Variants in ADAMTS3 observed in about 807,000 individuals in gnomAD.
ADAMTS3 encodes the protein ADAM metallopeptidase with thrombospondin type 1 motif 3.
In ADAMTS3, 73 loss-of-function variants were observed where a neutral mutation model predicts 129.0. The ratio of observed to expected loss-of-function variants is 0.57; its 90% CI spans 0.47 to 0.69. The LOEUF (loss-of-function observed/expected upper bound fraction) is 0.69, where lower values mean the gene tolerates loss of function less well. Ranked by LOEUF, ADAMTS3 falls within the 30% of genes least tolerant of loss-of-function variation. The probability of loss-of-function intolerance (pLI) is 0.00; values close to 1 mark genes in which losing one functional copy is unlikely to be tolerated. For synonymous variants in ADAMTS3, 477 were observed against 510.8 expected, an observed-to-expected ratio of 0.93 and a Z score of 0.89; for missense variants, 1,457 against 1,514.5, an observed-to-expected ratio of 0.96 and a Z score of 0.63.
At chr4:72,538,179 T>C (rs1376058378) in intron 3 of ADAMTS3, among the ~76,000 whole-genome samples, 1 of 151,958 alleles carries the variant, frequency 6.6e-6, no homozygotes, top group Non-Finnish European at 1.5e-5. Context: ...TTGTGGGAGA[T>C]CCAGAAACAG....
At chr4:72,322,590 T>A (rs1719585162) in intron 6 of ADAMTS3, among the ~76,000 whole-genome samples, 1 of 152,170 alleles carries the variant, frequency 6.6e-6, no homozygotes, top group East Asian at 1.9e-4. Flanking sequence ...ATCTTTGTCT[T>A]TTTTCTTCAT....
chr4:72,395,813 T>C (rs954872062), intron 4 of ADAMTS3, among the ~76,000 whole-genome samples: 5 of 148,638 alleles, frequency 3.4e-5, no homozygotes, highest in African/African-American at 1.3e-4. Flanking sequence ...GTAGTATATT[T>C]GTGTGTGTGT....
At chr4:72,485,314 A>T (rs1444536672) in intron 3 of ADAMTS3, among the ~76,000 whole-genome samples, 1 of 152,210 alleles carries the variant, frequency 6.6e-6, no homozygotes, top group Non-Finnish European at 1.5e-5. Flanking sequence ...TCATTCACAA[A>T]GGGTTTAAGC....
chr4:72,520,796 A>G (rs1358396756), intron 3 of ADAMTS3, among the ~76,000 whole-genome samples: 2 of 151,910 alleles, frequency 1.3e-5, no homozygotes, highest in Admixed American at 1.3e-4. Context: ...GTGCTTCCCG[A>G]GTGAGGCAAT....
chr4:72,287,732 A>C (rs1718548668), intron 21 of ADAMTS3, among the ~76,000 whole-genome samples: 2 of 152,154 alleles, frequency 1.3e-5, no homozygotes, highest in African/African-American at 4.8e-5. Context: ...AAAATAAGAG[A>C]GAGACAGAGG....
intron 7 of ADAMTS3, 77 bp from the exon 8 acceptor site, chr4:72,320,040 G>A (rs758532194): frequency 2.5e-5 from 31 of 1,250,688 alleles, no homozygotes; most frequent in Non-Finnish European, 3.4e-5. Context: ...CTTTTGCCTA[G>A]GGGGAAAAAA....
rs111502825 is a variant in ADAMTS3 at position 72,405,112 on chromosome 4, G to A, written c.661+9703C>T. 2.1e-3 allele frequency among the ~76,000 whole-genome samples: 317 copies of A among 152,138 alleles called. 1 individual carries two copies. The highest frequency in any genetic ancestry group is 7.2e-3 in the African/African-American group (299 of 41,548). Reference sequence around the variant, plus strand: ...GTGAATGTAAATAGTGCAGTTCCTAGAGAAAATAAACTATGTTGAGGCTCC... The same window carrying A: ...GTGAATGTAAATAGTGCAGTTCCTAAAGAAAATAAACTATGTTGAGGCTCC... On this transcript the variant is annotated intron_variant, in intron 4 of 21. Transcript: ENST00000286657.
chr4:72,336,622 A>G (rs1255312025), intron 5 of ADAMTS3, among the ~76,000 whole-genome samples: 1 of 152,174 alleles, frequency 6.6e-6, no homozygotes, highest in Non-Finnish European at 1.5e-5. Context: ...TGTCTTGCCT[A>G]AAGTTGTCTG....
In ADAMTS3 at chr4:72,512,343, C is replaced by G. The variant is rs946421027; in HGVS notation, c.504+36135G>C. Reference sequence around the variant, plus strand: ...CCTGTCTCTACTAAAAATACAAAAACTAGCCAGGGATGGTGGCATGTGCCT... The same window carrying G: ...CCTGTCTCTACTAAAAATACAAAAAGTAGCCAGGGATGGTGGCATGTGCCT... On this transcript the variant is annotated intron_variant, in intron 3 of 21. Transcript: ENST00000286657. Among the ~76,000 whole-genome samples the G allele has an allele frequency of 2.0e-5, 3 of 151,794 alleles. No individual in the cohort carries two copies. In the South Asian group the frequency reaches 6.2e-4, roughly 32 times the overall value.
At chr4:72,441,534 T>C (rs745925648) in intron 3 of ADAMTS3, 2 of 151,782 alleles carry the variant, frequency 1.3e-5, no homozygotes, top group Non-Finnish European at 2.9e-5. Context: ...AGTTTTAATT[T>C]TGAAGTCTAG....
chr4:72,493,103 C>T (rs1719788748), intron 3 of ADAMTS3, among the ~76,000 whole-genome samples: 1 of 151,956 alleles, frequency 6.6e-6, no homozygotes, highest in South Asian at 2.1e-4. Flanking sequence ...GCCTATGTGT[C>T]TTTAATTCTA....
intron 3 of ADAMTS3, among the ~76,000 whole-genome samples, chr4:72,422,087 A>G (rs1424913396): frequency 6.6e-6 from 1 of 152,186 alleles, no homozygotes; most frequent in Non-Finnish European, 1.5e-5. Flanking sequence ...TTTAGTACAT[A>G]TGACAATGAA....
chr4:72,531,562 G>C (rs1300551439), intron 3 of ADAMTS3, among the ~76,000 whole-genome samples: 1 of 152,118 alleles, frequency 6.6e-6, no homozygotes, highest in African/African-American at 2.4e-5. Flanking sequence ...TAGGAACAGG[G>C]TACGTGGCTG....
At chr4:72,496,795 T>A (rs939684729) in intron 3 of ADAMTS3, among the ~76,000 whole-genome samples, 4 of 152,070 alleles carry the variant, frequency 2.6e-5, no homozygotes, top group African/African-American at 9.7e-5. Flanking sequence ...TTTGTACACC[T>A]GTCTCCTGTT....
chr4:72,283,106 T>C lies in ADAMTS3; in HGVS notation c.*30A>G. 6.4e-7 allele frequency: 1 copy of C among 1,556,530 alleles called. No homozygotes were observed. Among genetic ancestry groups the C allele is most frequent in the Admixed American group, 1.9e-5 (1 of 53,680 alleles). On this transcript the variant is annotated 3_prime_UTR_variant, in exon 22 of 22. Coordinates refer to ENST00000286657, the MANE Select transcript of ADAMTS3 (RefSeq NM_014243.3). The stretch of plus-strand genomic sequence containing the variant: ...AAGAGAGAGGTTGTCCAGGTTTTCC[T>C]CTGGTTTCTAGCCTTTTTGGTTCAC...
intron 4 of ADAMTS3, among the ~76,000 whole-genome samples, chr4:72,357,393 C>T (rs1720607537): frequency 6.6e-6 from 1 of 151,840 alleles, no homozygotes; most frequent in African/African-American, 2.4e-5. Context: ...CTATAAGATA[C>T]ATTACATTAG....
intron 13 of ADAMTS3, among the ~76,000 whole-genome samples, chr4:72,311,646 C>T (rs960036694): frequency 1.3e-5 from 2 of 152,114 alleles, no homozygotes; most frequent in African/African-American, 4.8e-5. Flanking sequence ...TAATGCATTG[C>T]AACTTTGAAT....
intron 3 of ADAMTS3, among the ~76,000 whole-genome samples, chr4:72,516,472 G>C (rs1017265355): frequency 6.6e-6 from 1 of 152,104 alleles, no homozygotes; most frequent in Non-Finnish European, 1.5e-5. Flanking sequence ...CCATGAGCAT[G>C]GAATGTTCTT....
At chr4:72,323,970 C>A (rs1719633177) in intron 5 of ADAMTS3, among the ~76,000 whole-genome samples, 1 of 152,010 alleles carries the variant, frequency 6.6e-6, no homozygotes, top group Non-Finnish European at 1.5e-5. Context: ...ACTGTATCTT[C>A]TCATTAACCT....
Sources: gnomAD v4.1 joint callset for allele counts (sites outside exome capture counted in the v4.1 genomes callset) on GRCh38, gnomAD v4.1.1 for gene constraint, MANE v1.5 for transcripts, NCBI Gene and HGNC (gene_info 2026-07-23, HGNC 2026-07-21) for gene names.